Variants in DAB1 observed in about 807,000 individuals in gnomAD.
DAB1 encodes the protein disabled homolog 1.
A neutral mutation model predicts 64.6 loss-of-function variants in DAB1; 15 were observed. That is an observed-to-expected ratio of 0.23 (90% CI 0.16 to 0.36). DAB1 has a LOEUF of 0.36. DAB1 is among the 10% of genes least tolerant of loss of function. The pLI, the probability that DAB1 is intolerant of heterozygous loss-of-function variation, is 1.00. For missense variants in DAB1, 596 were observed against 706.7 expected (o/e 0.84, Z 1.78); for synonymous variants, 235 against 251.9 (o/e 0.93, Z 0.64).
intron 7 of DAB1, among the ~76,000 whole-genome samples, chr1:57,630,182 C>T (rs1356998946): frequency 2.6e-5 from 4 of 152,146 alleles, no homozygotes; most frequent in African/African-American, 2.4e-5. Flanking sequence ...GGGCAACAAA[C>T]AGCCAAAGGA....
chr1:57,697,544 T>G (rs1426087986), intron 6 of DAB1, among the ~76,000 whole-genome samples: 1 of 152,096 alleles, frequency 6.6e-6, no homozygotes, highest in East Asian at 1.9e-4. Context: ...GTATCAGTCA[T>G]TGTAATTGCC....
chr1:57,707,534 A>T (rs1646983336), intron 6 of DAB1, among the ~76,000 whole-genome samples: 1 of 152,162 alleles, frequency 6.6e-6, no homozygotes, highest in South Asian at 2.1e-4. Flanking sequence ...TCTGGGGATG[A>T]ATGCCCAGGA....
chr1:58,434,303 T>C (rs1055344567), intron 3 of DAB1, among the ~76,000 whole-genome samples: 15 of 151,626 alleles, frequency 9.9e-5, no homozygotes, highest in Admixed American at 2.0e-4. Context: ...ACAGTAATAG[T>C]AGAGATGGTG....
At chr1:57,059,960 C>T (rs903175096) in intron 9 of DAB1, among the ~76,000 whole-genome samples, 2 of 151,972 alleles carry the variant, frequency 1.3e-5, no homozygotes, top group Non-Finnish European at 2.9e-5. Context: ...GAGAGAACAG[C>T]GGGTTGGGAG....
chr1:57,074,900 T>C (rs1651841633), intron 4 of DAB1, among the ~76,000 whole-genome samples: 1 of 152,188 alleles, frequency 6.6e-6, no homozygotes, highest in South Asian at 2.1e-4. Flanking sequence ...GGAAAATTGC[T>C]CAAACAGTGG....
At chr1:57,655,764 G>T (rs6686654) in intron 6 of DAB1, among the ~76,000 whole-genome samples, 49,701 of 152,068 alleles carry the variant, frequency 0.33, 8,735 homozygotes, top group African/African-American at 0.45. Flanking sequence ...AGTAACTTTT[G>T]TAAAATATAC....
intron 2 of DAB1, among the ~76,000 whole-genome samples, chr1:57,214,582 A>G (rs967625485): frequency 1.3e-5 from 2 of 152,132 alleles, no homozygotes; most frequent in Non-Finnish European, 2.9e-5. Context: ...TACCTAGCCT[A>G]AGAGGAAGGG....
At chr1:57,642,696 A>G (rs1243668576) in intron 7 of DAB1, among the ~76,000 whole-genome samples, 5 of 152,314 alleles carry the variant, frequency 3.3e-5, no homozygotes, top group East Asian at 1.9e-4. Flanking sequence ...AGCTGTGCCA[A>G]TTTAATCCTG....
Position 57,317,122 on chromosome 1 carries a change from C to T in DAB1, c.-136-25956G>A, listed in dbSNP as rs1298412859. Among the ~76,000 whole-genome samples the T allele has an allele frequency of 2.6e-5, 4 of 152,120 alleles. No homozygotes were observed. In the East Asian group the frequency reaches 7.7e-4, roughly 29 times the overall value. On this transcript the variant is annotated intron_variant, in intron 1 of 14. Transcript: ENST00000371236. ...ATTTGTGAGCCACCCTATCAGGAGG[C>T]CACATGACAGGGAACCAAGGGAAGC...
At chr1:57,917,701 C>T (rs1465052353) in intron 5 of DAB1, among the ~76,000 whole-genome samples, 2 of 152,164 alleles carry the variant, frequency 1.3e-5, no homozygotes, top group African/African-American at 2.4e-5. Context: ...AATCCATTTG[C>T]TGTTGTCCTT....
At chr1:57,130,187 G>T (rs1657527450) in intron 4 of DAB1, among the ~76,000 whole-genome samples, 1 of 151,922 alleles carries the variant, frequency 6.6e-6, no homozygotes, top group Admixed American at 6.6e-5. Flanking sequence ...GACTGTACAG[G>T]AGATGGGACA....
intron 4 of DAB1, among the ~76,000 whole-genome samples, chr1:58,178,921 C>A (rs1185420558): frequency 6.6e-6 from 1 of 152,090 alleles, no homozygotes; most frequent in Non-Finnish European, 1.5e-5. Flanking sequence ...TTCAGTCTTT[C>A]ACCATTAAGT....
chr1:58,193,912 C>G (rs1267659584), intron 4 of DAB1, among the ~76,000 whole-genome samples: 1 of 151,808 alleles, frequency 6.6e-6, no homozygotes, highest in Non-Finnish European at 1.5e-5. Context: ...GGTAAAGTAA[C>G]TAAGTAACTT....
intron 7 of DAB1, among the ~76,000 whole-genome samples, chr1:57,556,552 A>G (rs1644991012): frequency 6.6e-6 from 1 of 151,590 alleles, no homozygotes; most frequent in African/African-American, 2.4e-5. Context: ...ATTTTTTCAT[A>G]TGTTTGTTGG....
At chr1:57,718,008 G>C (rs1426984535) in intron 6 of DAB1, among the ~76,000 whole-genome samples, 1 of 152,154 alleles carries the variant, frequency 6.6e-6, no homozygotes, top group African/African-American at 2.4e-5. Flanking sequence ...TTTACAGATA[G>C]ATAGGAAGAA....
rs539913192 is a variant in DAB1, at chr1:57,763,229, G to A, written n.552-113564C>T. 5.3e-5 allele frequency among the ~76,000 whole-genome samples: 8 copies of A among 152,260 alleles called. No homozygotes were observed. In the East Asian group the frequency reaches 9.7e-4, roughly 18 times the overall value. ...ATGCCTCTTGCTTTTTGAAAGGTGC[G>A]ACAGAGAATGCAAAGTATAGAAAGA... On this transcript the variant is annotated intron_variant and non_coding_transcript_variant, in intron 6 of 20. Coordinates refer to the DAB1 transcript ENST00000485760.
chr1:58,044,733 G>A (rs776425183), intron 5 of DAB1, among the ~76,000 whole-genome samples: 1 of 152,082 alleles, frequency 6.6e-6, no homozygotes, highest in South Asian at 2.1e-4. Flanking sequence ...AATATCTGTC[G>A]ATTAGGGATA....
chr1:57,598,165 G>A (rs2101581031), intron 7 of DAB1, among the ~76,000 whole-genome samples: 1 of 152,210 alleles, frequency 6.6e-6, no homozygotes, highest in African/African-American at 2.4e-5. Context: ...TGTATTTTTA[G>A]TAAAGACGAG....
chr1:57,648,346 T>C (rs1208056890), intron 7 of DAB1, among the ~76,000 whole-genome samples: 3 of 152,120 alleles, frequency 2.0e-5, no homozygotes, highest in African/African-American at 4.8e-5. Flanking sequence ...TGAACTCTAT[T>C]CATTAGAGGA....
Sources: gnomAD v4.1 joint callset for allele counts (sites outside exome capture counted in the v4.1 genomes callset) on GRCh38, gnomAD v4.1.1 for gene constraint, MANE v1.5 for transcripts, NCBI Gene and HGNC (gene_info 2026-07-23, HGNC 2026-07-21) for gene names.